The following PI4KA variants were observed in gnomAD, a reference collection of about 807,000 sequenced individuals.
The protein encoded by PI4KA is PI4-kinase alpha.
PI4KA carries 122 observed loss-of-function variants against 271.4 expected under a neutral mutation model. That is an observed-to-expected ratio of 0.45 (90% CI 0.39 to 0.52). The LOEUF is 0.52. PI4KA is among the 20% of genes least tolerant of loss of function. PI4KA has a pLI of 0.00. For missense variants in PI4KA, 1,969 were observed against 2,769.1 expected (o/e 0.71, Z 6.48); for synonymous variants, 1,041 against 1,078.8 (o/e 0.96, Z 0.69).
At chr22:20,779,245 G>A (rs144457583) in intron 19 of PI4KA, 50 of 1,609,700 alleles carry the variant, frequency 3.1e-5, no homozygotes, top group African/African-American at 2.8e-4. Context: ...ATGCTGCAGC[G>A]GGGTGTGGAT....
intron 18 of PI4KA, among the ~76,000 whole-genome samples, chr22:20,795,844 G>A (rs1380557154): frequency 6.6e-6 from 1 of 152,152 alleles, no homozygotes; most frequent in Non-Finnish European, 1.5e-5. Context: ...TCATGATAAA[G>A]GCAAGGACAG....
At chr22:20,812,939 C>A (rs1921258206) in intron 8 of PI4KA, among the ~76,000 whole-genome samples, 1 of 152,178 alleles carries the variant, frequency 6.6e-6, no homozygotes, top group Admixed American at 6.5e-5. Flanking sequence ...CCCTCAATGT[C>A]ATCCAAAGGT....
intron 22 of PI4KA, among the ~76,000 whole-genome samples, chr22:20,762,182 AG>A (rs1932035817): frequency 6.6e-6 from 1 of 152,192 alleles, no homozygotes; most frequent in Admixed American, 6.5e-5. Flanking sequence ...TCAGAGTTCC[AG>A]GGGCTCCACT....
At chr22:20,847,713 T>C (rs1246484326) in intron 1 of PI4KA, among the ~76,000 whole-genome samples, 1 of 149,826 alleles carries the variant, frequency 6.7e-6, no homozygotes, top group Non-Finnish European at 1.5e-5. Flanking sequence ...TACCACTGCA[T>C]ACCACTGCTC....
chr22:20,710,911 G>A lies in PI4KA; in HGVS notation c.5924-53C>T, dbSNP rs1233961017. On this transcript the variant is annotated intron_variant, in intron 51 of 54. Coordinates refer to ENST00000255882, the MANE Select transcript of PI4KA (RefSeq NM_058004.4). The stretch of plus-strand genomic sequence containing the variant: ...ACTGGGTAGGAGCCAGGGCGGGCAA[G>A]GACAAGTGGTCTGTTTTGAGGAGTG... 2.5e-6 allele frequency: 4 copies of A among 1,602,254 alleles called. No homozygotes were observed. The Admixed American group carries it at 6.7e-5, about 27-fold the overall frequency.
At chr22:20,847,437 C>G (rs991937727) in intron 1 of PI4KA, among the ~76,000 whole-genome samples, 6 of 152,042 alleles carry the variant, frequency 3.9e-5, no homozygotes, top group African/African-American at 1.4e-4. Context: ...TAGAAATTAA[C>G]CAGGAGGCTG....
chr22:20,746,252 C>A (rs111299250), intron 29 of PI4KA, among the ~76,000 whole-genome samples: 7 of 151,636 alleles, frequency 4.6e-5, no homozygotes, highest in Non-Finnish European at 1.0e-4. Context: ...TTAGTAGAGA[C>A]GGGGTTTCAC....
chr22:20,798,470 G>T, intron 17 of PI4KA, 114 bp downstream of exon 17: 1 of 775,316 alleles, frequency 1.3e-6, no homozygotes, highest in Non-Finnish European at 2.3e-6. Context: ...CTGATCTGTA[G>T]CATATAGTTT....
At chr22:20,798,724 T>G (rs373452746) in intron 16 of PI4KA, 37 bp from the exon 17 acceptor site, 40 of 1,398,006 alleles carry the variant, frequency 2.9e-5, no homozygotes, top group Non-Finnish European at 3.8e-5. Flanking sequence ...CCATGCAGGA[T>G]GCCCTCATGA....
At chr22:20,808,875 G>A (rs374247588) in intron 9 of PI4KA, among the ~76,000 whole-genome samples, 1 of 152,042 alleles carries the variant, frequency 6.6e-6, no homozygotes, top group Non-Finnish European at 1.5e-5. Flanking sequence ...TATAAAAGTG[G>A]TCTGCAAATA....
intron 36 of PI4KA, 25 bp from the exon 37 acceptor site, chr22:20,730,036 C>A (rs1227637590): frequency 6.2e-7 from 1 of 1,611,838 alleles, no homozygotes; most frequent in Admixed American, 1.7e-5. Context: ...ATTGTTGATT[C>A]TAGAGTGAGG....
intron 9 of PI4KA, among the ~76,000 whole-genome samples, chr22:20,809,671 C>T (rs1007480407): frequency 6.6e-6 from 1 of 152,122 alleles, no homozygotes; most frequent in African/African-American, 2.4e-5. Flanking sequence ...CCAAAGGTCT[C>T]TGAGACCACA....
rs900371210 is a variant in PI4KA, at chr22:20,786,047, T to C, written c.2328+7146A>G. On this transcript the variant is annotated intron_variant, in intron 19 of 54. Transcript: ENST00000255882. ...GCCGAAATTCAAGCTGGAGAAGAAC[T>C]ACAATCTAGTGGAGTCCCTGAAGTT... is the stretch of plus-strand genomic sequence containing the variant. The C allele has an allele frequency of 5.6e-5, 90 of 1,614,026 alleles. No individual in the cohort carries two copies. The highest frequency in any genetic ancestry group is 7.2e-5 in the Non-Finnish European group (85 of 1,180,032).
In PI4KA at chr22:20,796,251, G is replaced by C. The variant is rs748916585; in HGVS notation, c.2172C>G (p.His724Gln). 1 of 1,613,982 alleles carries C rather than the reference G, an allele frequency of 6.2e-7. No homozygotes were observed. Among genetic ancestry groups the C allele is most frequent in the African/African-American group, 1.3e-5 (1 of 74,902 alleles). Residue 724 changes from histidine (H) to glutamine (Q), a missense_variant, in exon 18 of 55, where the codon CAC becomes CAG. His to Gln is a conservative substitution (Grantham distance 24, BLOSUM62 0). Coordinates refer to ENST00000255882, the MANE Select transcript of PI4KA (RefSeq NM_058004.4). ...ANIAANIQDE[H>Q]LVDELLMNLL... ...GGTTCATGAGCAGCTCATCCACCAG[G>C]TGCTCGTCTTGGATGTTGGCCGCGA...
At chr22:20,777,460 C>T (rs747005301) in intron 19 of PI4KA, among the ~76,000 whole-genome samples, 32 of 152,240 alleles carry the variant, frequency 2.1e-4, no homozygotes, top group Non-Finnish European at 4.0e-4. Context: ...TCAGATGATC[C>T]GCCCACCTCG....
Position 20,709,989 on chromosome 22 carries a change from A to G in PI4KA, c.6092T>C (p.Met2031Thr), listed in dbSNP as rs1442805805. 2 of 1,612,608 alleles carry G rather than the reference A, an allele frequency of 1.2e-6. No individual in the cohort carries two copies. The highest frequency in any genetic ancestry group is 1.7e-5 in the Admixed American group (1 of 60,016). Residue 2031 changes from methionine (M) to threonine (T), a missense_variant, in exon 53 of 55, where the codon ATG becomes ACG. Transcript: ENST00000255882. Reference protein sequence around the residue: ...VRGYLAVRPYMDAVVSLVTLM... With the variant: ...VRGYLAVRPYTDAVVSLVTLM... ...AGTGACCAGGGAGACGACCGCGTCCATGTAGGGCCTGGGGAGAGATAGGAG... is the reference window on the plus strand; with the variant it reads ...AGTGACCAGGGAGACGACCGCGTCCGTGTAGGGCCTGGGGAGAGATAGGAG...
intron 22 of PI4KA, chr22:20,764,527 C>T (rs535059079): frequency 9.8e-6 from 3 of 305,426 alleles, no homozygotes; most frequent in African/African-American, 4.4e-5. Flanking sequence ...GGGCCTCGCT[C>T]AGTCCGTGGG....
rs540555811 is a variant in PI4KA at position 20,804,919 on chromosome 22, A to G, written c.1360+55T>C. On this transcript the variant is annotated intron_variant, in intron 11 of 54. Coordinates refer to ENST00000255882, the MANE Select transcript of PI4KA (RefSeq NM_058004.4). ...GTAGTTTGGGGAAACTTGTGGCAAG[A>G]AAGCCTCTGGGTCATGCCTGGAGCT... 6.1e-5 allele frequency: 86 copies of G among 1,420,594 alleles called. No individual in the cohort carries two copies. The Admixed American group carries it at 1.3e-3, about 22-fold the overall frequency. The allele number at this position is 1,420,594 out of a possible 1,614,324, so 88.0% of individuals were successfully genotyped here. A position where few individuals can be genotyped will look rare whatever the true frequency, so the allele number is the denominator to read the frequency against.
intron 27 of PI4KA, among the ~76,000 whole-genome samples, chr22:20,750,700 T>C (rs75183097): frequency 0.03 from 4,497 of 152,262 alleles, 89 homozygotes; most frequent in Middle Eastern, 0.061. Context: ...AAACTCCCCA[T>C]TGACAGCTGG....
Sources: gnomAD v4.1 joint callset for allele counts (sites outside exome capture counted in the v4.1 genomes callset) on GRCh38, gnomAD v4.1.1 for gene constraint, MANE v1.5 for transcripts, NCBI Gene and HGNC (gene_info 2026-07-23, HGNC 2026-07-21) for gene names.